The following LIMD1 variants were observed in gnomAD, a reference collection of about 807,000 sequenced individuals.
The protein encoded by LIMD1 is LIM domain containing 1, also known as LIM domain-containing protein 1.
A neutral mutation model predicts 58.4 loss-of-function variants in LIMD1; 23 were observed. The observed-to-expected ratio is 0.39, with a 90% CI of 0.28 to 0.56. The LOEUF (loss-of-function observed/expected upper bound fraction) is 0.56, where lower values mean the gene tolerates loss of function less well. Ranked by LOEUF, LIMD1 falls within the 20% of genes least tolerant of loss-of-function variation. The pLI is 0.57. For missense variants in LIMD1, 838 were observed against 855.5 expected, an observed-to-expected ratio of 0.98 and a Z score of 0.25; for synonymous variants, 334 against 345.5, an observed-to-expected ratio of 0.97 and a Z score of 0.37.
At position 45,595,343 on chromosome 3, in the gene LIMD1, C is replaced by A; in HGVS notation, c.464C>A (p.Ala155Glu). The change falls in exon 1 of 8, where the codon GCG (alanine) becomes GAG (glutamate). Residue 155 changes from alanine (A) to glutamate (E), a missense_variant. Physicochemically the swap from Ala to Glu is moderately radical, Grantham distance 107 (BLOSUM62 -1). Around this residue, in one of 3 missense-constraint regions of LIMD1, gnomAD observed 659 missense variants for 639.8 expected, o/e 1.03. Transcript: ENST00000273317. ...GACTGTGGTTCCAGGGAGAGCCTGGCGACTTCTGAGATGTCTGCTTTCCAC... is the reference window on the plus strand; with the variant it reads ...GACTGTGGTTCCAGGGAGAGCCTGGAGACTTCTGAGATGTCTGCTTTCCAC... ...SQDCGSRESL[A>E]TSEMSAFHQP... 6.2e-7 allele frequency: 1 copy of A among 1,613,610 alleles called. No homozygotes were observed.
intron 2 of LIMD1, among the ~76,000 whole-genome samples, chr3:45,663,973 C>T (rs896615436): frequency 6.0e-5 from 9 of 149,988 alleles, no homozygotes; most frequent in Non-Finnish European, 1.0e-4. Context: ...TAGGTGCAGG[C>T]GATTCTCCTG....
chr3:45,605,373 G>T (rs1387722279), intron 1 of LIMD1, among the ~76,000 whole-genome samples: 5 of 152,222 alleles, frequency 3.3e-5, no homozygotes, highest in Non-Finnish European at 7.3e-5. Flanking sequence ...ATTTGCAATT[G>T]TAAGTGGTAA....
chr3:45,677,197 T>A lies in LIMD1; in HGVS notation c.*138T>A. 3 of 920,390 alleles carry A rather than the reference T, an allele frequency of 3.3e-6. No homozygotes were observed. The highest frequency in any genetic ancestry group is 3.3e-5 in the South Asian group (2 of 61,172). 57.0% of individuals were successfully genotyped at this position (920,390 alleles called of 1,614,324 possible). A position where few individuals can be genotyped will look rare whatever the true frequency, so the allele number is the denominator to read the frequency against. On this transcript the variant is annotated 3_prime_UTR_variant, in exon 8 of 8. Coordinates refer to ENST00000273317, the MANE Select transcript of LIMD1 (RefSeq NM_014240.3). ...AGAGTTCCTGTGAGCATGTGGGGGG[T>A]GCCTTTCCTTTAACCAGGGAGGTGA...
chr3:45,626,870 T>C (rs1042616012), intron 1 of LIMD1, among the ~76,000 whole-genome samples: 1 of 147,238 alleles, frequency 6.8e-6, no homozygotes, highest in Non-Finnish European at 1.5e-5. Context: ...TTTGCTCAGT[T>C]TTGCTGTGAA....
intron 4 of LIMD1, among the ~76,000 whole-genome samples, chr3:45,670,145 A>G (rs575421979): frequency 1.3e-5 from 2 of 152,292 alleles, no homozygotes; most frequent in South Asian, 4.1e-4. Context: ...CTTCCCAGGT[A>G]TCTTCTAGAC....
At chr3:45,633,242 T>G (rs1701754683) in intron 1 of LIMD1, among the ~76,000 whole-genome samples, 1 of 152,046 alleles carries the variant, frequency 6.6e-6, no homozygotes, top group South Asian at 2.1e-4. Context: ...ACACATGCAT[T>G]TCATGGCCAT....
At position 45,594,778 on chromosome 3, in the gene LIMD1, A is replaced by C. The variant is rs1321844756; in HGVS notation, c.-102A>C. 6.8e-6 allele frequency: 5 copies of C among 731,710 alleles called. 1 individual carries two copies. Among genetic ancestry groups the C allele is most frequent in the African/African-American group, 5.3e-5 (2 of 38,044 alleles). 45.3% of individuals were successfully genotyped at this position (731,710 alleles called of 1,614,324 possible). The stretch of plus-strand genomic sequence containing the variant: ...TCGCCAGCATCTCCCCGCTGCCCTC[A>C]ACACACACACACACACACACACACA... On this transcript the variant is annotated 5_prime_UTR_variant, in exon 1 of 8. Transcript: ENST00000273317.
chr3:45,641,366 A>G (rs1267722878), intron 2 of LIMD1, among the ~76,000 whole-genome samples: 1 of 152,034 alleles, frequency 6.6e-6, no homozygotes, highest in African/African-American at 2.4e-5. Flanking sequence ...TATCTTGGTT[A>G]TTGATAGAGT....
chr3:45,665,827 G>T (rs138793590), intron 3 of LIMD1, 110 bp downstream of exon 3: 2 of 897,886 alleles, frequency 2.2e-6, no homozygotes, highest in South Asian at 1.5e-5. Flanking sequence ...TGGAGAGAGG[G>T]GCCCTGCCTT....
chr3:45,594,856 T>TCGCCAGCATCTCCCCGCTGCCCTCAAC lies in LIMD1; in HGVS notation c.-24_-23insCGCCAGCATCTCCCCGCTGCCCTCAAC, dbSNP rs1161788228. 1.3e-6 allele frequency: 2 copies of TCGCCAGCATCTCCCCGCTGCCCTCAAC among 1,489,410 alleles called. No individual in the cohort carries two copies. The highest frequency in any genetic ancestry group is 3.2e-5 in the African/African-American group (2 of 62,688). 92.3% of individuals were successfully genotyped at this position (1,489,410 alleles called of 1,614,324 possible). ...ACACACACACACACGGCACCTGGGC[T>TCGCCAGCATCTCCCCGCTGCCCTCAAC]AGGCCCGGACACCTGTCTGCAGCAT... On this transcript the variant is annotated 5_prime_UTR_variant, in exon 1 of 8. Coordinates refer to ENST00000273317, the MANE Select transcript of LIMD1 (RefSeq NM_014240.3).
rs1387853961 is a variant in LIMD1, at chr3:45,632,441, G to A, written c.1409-3709G>A. 14 of 820,182 alleles carry A rather than the reference G, an allele frequency of 1.7e-5. No individual in the cohort carries two copies. The Admixed American group carries it at 8.1e-4, about 47-fold the overall frequency. The allele number at this position is 820,182 out of a possible 1,614,324, so 50.8% of individuals were successfully genotyped here. A position where few individuals can be genotyped will look rare whatever the true frequency, so the allele number is the denominator to read the frequency against. ...TTTAGGTCTGCTGAGGGGATACTAAGTGCACTCTGTCTGTGGCTGGGGGTG... is the reference window on the plus strand; with the variant it reads ...TTTAGGTCTGCTGAGGGGATACTAAATGCACTCTGTCTGTGGCTGGGGGTG... On this transcript the variant is annotated intron_variant, in intron 1 of 7. Transcript: ENST00000273317.
intron 4 of LIMD1, among the ~76,000 whole-genome samples, chr3:45,671,130 T>C (rs1451976297): frequency 6.6e-6 from 1 of 152,222 alleles, no homozygotes; most frequent in African/African-American, 2.4e-5. Flanking sequence ...GCCCAGCCAG[T>C]TGTTCTTCCT....
chr3:45,602,796 A>G (rs1701428864), intron 1 of LIMD1, among the ~76,000 whole-genome samples: 1 of 151,576 alleles, frequency 6.6e-6, no homozygotes, highest in Admixed American at 6.6e-5. Context: ...CTTCCATCTG[A>G]CAGTCTGTTG....
intron 1 of LIMD1, among the ~76,000 whole-genome samples, chr3:45,628,462 AT>A (rs1459744242): frequency 6.6e-6 from 1 of 152,276 alleles, no homozygotes; most frequent in African/African-American, 2.4e-5. Context: ...ATGCTACTGT[AT>A]AACCTATTAC....
chr3:45,662,313 C>T (rs886839471), intron 2 of LIMD1, among the ~76,000 whole-genome samples: 11 of 150,950 alleles, frequency 7.3e-5, no homozygotes, highest in African/African-American at 2.7e-4. Context: ...GCGTGTAAAA[C>T]CTACTGGAAG....
chr3:45,652,832 G>A (rs1701988805), intron 2 of LIMD1, among the ~76,000 whole-genome samples: 1 of 152,212 alleles, frequency 6.6e-6, no homozygotes, highest in African/African-American at 2.4e-5. Context: ...TCTCTGGGTT[G>A]TCTCTGTGTG....
chr3:45,649,616 G>C (rs1414423721), intron 2 of LIMD1, among the ~76,000 whole-genome samples: 3 of 149,662 alleles, frequency 2.0e-5, no homozygotes, highest in Middle Eastern at 6.9e-3. Flanking sequence ...AGGAGGCAGA[G>C]CTTGCAGTGA....
intron 1 of LIMD1, among the ~76,000 whole-genome samples, chr3:45,604,186 G>A (rs1168691265): frequency 2.6e-5 from 4 of 152,224 alleles, no homozygotes; most frequent in African/African-American, 9.6e-5. Flanking sequence ...AGTTGGTGCC[G>A]TCTGCCCAGG....
At chr3:45,658,761 G>C (rs933938417) in intron 2 of LIMD1, among the ~76,000 whole-genome samples, 5 of 151,500 alleles carry the variant, frequency 3.3e-5, no homozygotes, top group Non-Finnish European at 5.9e-5. Context: ...TTCCATGTTG[G>C]TCAGACTGGT....
Sources: allele counts gnomAD v4.1 joint callset (sites outside exome capture counted in the v4.1 genomes callset), GRCh38; gene constraint gnomAD v4.1.1; regional missense constraint gnomAD v4.1.1; transcripts MANE v1.5; gene names NCBI Gene and HGNC (gene_info 2026-07-23, HGNC 2026-07-21).